Variants in TEX9 observed in about 807,000 individuals in gnomAD.
The protein encoded by TEX9 is testis expressed 9, also known as testis-expressed protein 9.
A neutral mutation model predicts 59.6 loss-of-function variants in TEX9; 74 were observed. The observed-to-expected ratio is 1.24, with a 90% confidence interval of 1.03 to 1.51. The LOEUF is 1.51. Among genes scored for constraint, TEX9 ranks in the 40% most tolerant of loss-of-function variants. The probability of loss-of-function intolerance (pLI) is 0.00; values close to 1 mark genes in which losing one functional copy is unlikely to be tolerated. For synonymous variants in TEX9, 186 were observed against 152.2 expected (o/e 1.22, Z -1.64); for missense variants, 522 against 447.8 (o/e 1.17, Z -1.49).
At chr15:56,339,397 A>AAAAAAAAAAAC (rs2046325583) in intron 1 of TEX9, among the ~76,000 whole-genome samples, 1 of 61,024 alleles carries the variant, frequency 1.6e-5, no homozygotes, top group Non-Finnish European at 4.7e-5. Flanking sequence ...AAAAAAAAAA[A>AAAAAAAAAAAC]AAAAAAAAAA....
intron 2 of TEX9, among the ~76,000 whole-genome samples, chr15:56,367,821 C>A (rs2047014225): frequency 6.6e-6 from 1 of 151,992 alleles, no homozygotes; most frequent in East Asian, 1.9e-4. Context: ...TTTCTATTTT[C>A]TAATTGGTTA....
chr15:56,300,304 G>C (rs1407638670), intron 1 of TEX9, among the ~76,000 whole-genome samples: 1 of 151,910 alleles, frequency 6.6e-6, no homozygotes, highest in Non-Finnish European at 1.5e-5. Context: ...GGAAGAGTGA[G>C]AAGGACATTG....
chr15:56,441,384 T>C (rs557653899), intron 12 of TEX9, among the ~76,000 whole-genome samples: 1 of 152,318 alleles, frequency 6.6e-6, no homozygotes, highest in South Asian at 2.1e-4. Flanking sequence ...ATTCTCTAAA[T>C]GTCAGGTCAA....
chr15:56,382,972 A>T (rs1596151888), intron 3 of TEX9, among the ~76,000 whole-genome samples: 2 of 152,226 alleles, frequency 1.3e-5, no homozygotes, highest in East Asian at 3.9e-4. Flanking sequence ...TAGAAAATGG[A>T]GCCATTGTAT....
intron 1 of TEX9, among the ~76,000 whole-genome samples, chr15:56,246,555 C>T (rs1379261222): frequency 6.6e-6 from 1 of 152,148 alleles, no homozygotes. Flanking sequence ...AGGAGTGTAG[C>T]CATGTGCTTC....
intron 1 of TEX9, among the ~76,000 whole-genome samples, chr15:56,248,109 A>T (rs1267811507): frequency 6.6e-6 from 1 of 152,176 alleles, no homozygotes; most frequent in Non-Finnish European, 1.5e-5. Flanking sequence ...CTGTAATGTG[A>T]TTGAGCTTTC....
At chr15:56,383,851 G>T in intron 3 of TEX9, 101 bp from the exon 4 acceptor site, 1 of 811,810 alleles carries the variant, frequency 1.2e-6, no homozygotes. Flanking sequence ...GGAAACCTTG[G>T]ACAATTCTGA....
intron 1 of TEX9, among the ~76,000 whole-genome samples, chr15:56,300,941 C>T (rs1458789261): frequency 6.6e-6 from 1 of 152,048 alleles, no homozygotes; most frequent in African/African-American, 2.4e-5. Flanking sequence ...TCTTAACTGC[C>T]CAGACACTGA....
chr15:56,266,151 G>C (rs1428185675), intron 1 of TEX9, among the ~76,000 whole-genome samples: 1 of 151,150 alleles, frequency 6.6e-6, no homozygotes, highest in East Asian at 1.9e-4. Flanking sequence ...TTTTGAGACA[G>C]AGTCTCACTC....
chr15:56,327,064 A>T (rs753762522), intron 1 of TEX9, among the ~76,000 whole-genome samples: 1 of 152,226 alleles, frequency 6.6e-6, no homozygotes, highest in Non-Finnish European at 1.5e-5. Context: ...CAAAATAATG[A>T]TTAACATTTT....
intron 12 of TEX9, among the ~76,000 whole-genome samples, chr15:56,438,415 T>A (rs1353147294): frequency 1.3e-5 from 2 of 152,046 alleles, no homozygotes; most frequent in Admixed American, 6.5e-5. Context: ...GTTTAATAAA[T>A]GGTGCTGGAA....
intron 1 of TEX9, among the ~76,000 whole-genome samples, chr15:56,310,803 T>C (rs572716988): frequency 4.6e-5 from 7 of 152,296 alleles, no homozygotes; most frequent in African/African-American, 1.7e-4. Flanking sequence ...CAACTGGAGA[T>C]GGAAACCCTT....
chr15:56,432,789 C>G (rs1177414694), intron 12 of TEX9, among the ~76,000 whole-genome samples: 3 of 152,174 alleles, frequency 2.0e-5, no homozygotes, highest in African/African-American at 4.8e-5. Flanking sequence ...AATATAACAG[C>G]ACTTGTATTC....
chr15:56,408,249 G>A (rs893465575), intron 9 of TEX9, among the ~76,000 whole-genome samples: 5 of 152,116 alleles, frequency 3.3e-5, no homozygotes, highest in African/African-American at 1.2e-4. Context: ...CTCTTAAAAA[G>A]GTCACCAATA....
chr15:56,355,938 A>G (rs1160374387), intron 1 of TEX9, among the ~76,000 whole-genome samples: 1 of 152,082 alleles, frequency 6.6e-6, no homozygotes, highest in African/African-American at 2.4e-5. Flanking sequence ...ATTTTATAGA[A>G]TAGAATTTTA....
At chr15:56,368,575 T>C (rs1178714337) in intron 2 of TEX9, among the ~76,000 whole-genome samples, 1 of 152,146 alleles carries the variant, frequency 6.6e-6, no homozygotes, top group Non-Finnish European at 1.5e-5. Context: ...TTTTTGTCTA[T>C]GCATTTAGCT....
At chr15:56,266,380 G>T (rs1349086500) in intron 1 of TEX9, among the ~76,000 whole-genome samples, 1 of 151,322 alleles carries the variant, frequency 6.6e-6, no homozygotes, top group Non-Finnish European at 1.5e-5. Flanking sequence ...CTATGTGCAG[G>T]TTTCTTACAT....
intron 1 of TEX9, among the ~76,000 whole-genome samples, chr15:56,275,758 CT>C (rs1282676107): frequency 6.6e-6 from 1 of 151,890 alleles, no homozygotes; most frequent in Non-Finnish European, 1.5e-5. Context: ...CTGAACTGTA[CT>C]TTTTCTAAAT....
chr15:56,403,476 A>T (rs1168295671), intron 9 of TEX9, among the ~76,000 whole-genome samples: 1 of 152,244 alleles, frequency 6.6e-6, no homozygotes, highest in Non-Finnish European at 1.5e-5. Context: ...TCAATGAAAT[A>T]AAAGAGGACA....
Sources: allele counts gnomAD v4.1 joint callset (sites outside exome capture counted in the v4.1 genomes callset), GRCh38; gene constraint gnomAD v4.1.1; transcripts MANE v1.5; gene names NCBI Gene and HGNC (gene_info 2026-07-23, HGNC 2026-07-21).